Variants in TAMM41 observed in about 807,000 individuals in gnomAD.
TAMM41 encodes the protein phosphatidate cytidylyltransferase, mitochondrial.
In TAMM41, 36 loss-of-function variants were observed where a neutral mutation model predicts 44.1. The ratio of observed to expected loss-of-function variants is 0.82; its 90% CI spans 0.63 to 1.08. The LOEUF is 1.08. TAMM41 is among the 50% of genes least tolerant of loss of function. TAMM41 has a pLI of 0.00. For missense variants in TAMM41, 417 were observed against 404.3 expected, an observed-to-expected ratio of 1.03 and a Z score of -0.27; for synonymous variants, 164 against 153.1, an observed-to-expected ratio of 1.07 and a Z score of -0.53.
At chr3:11,774,839 C>T in the TAMM41 span, among the ~76,000 whole-genome samples, 7 of 151,826 alleles carry the variant, frequency 4.6e-5, no homozygotes, top group African/African-American at 4.8e-5. Flanking sequence ...ATTCCCAAAT[C>T]CTCATCTCCT....
the TAMM41 span, among the ~76,000 whole-genome samples, chr3:11,767,626 A>ATTGTTTTTTTTTTTTTTT: frequency 1.6e-5 from 1 of 60,692 alleles, no homozygotes; most frequent in Non-Finnish European, 3.1e-5. Context: ...CACGTTGTGC[A>ATTGTTTTTTTTTTTTTTT]TTTTTTTTTT....
chr3:11,758,819 A>G, the TAMM41 span, among the ~76,000 whole-genome samples: 4 of 152,074 alleles, frequency 2.6e-5, no homozygotes, highest in African/African-American at 9.7e-5. Flanking sequence ...GATTACAGCC[A>G]TGCACCACCA....
At chr3:11,808,423 G>C (rs2077984500) in intron 6 of TAMM41, 2 of 980,266 alleles carry the variant, frequency 2.0e-6, no homozygotes, top group African/African-American at 3.5e-5. Flanking sequence ...TTCAGGATGG[G>C]GAGCTGGTGA....
intron 3 of TAMM41, among the ~76,000 whole-genome samples, chr3:11,831,262 A>T (rs2078971710): frequency 1.3e-5 from 2 of 152,294 alleles, no homozygotes; most frequent in East Asian, 3.9e-4. Context: ...GGCCTCGGTG[A>T]GGGCTGAAAA....
intron 5 of TAMM41, among the ~76,000 whole-genome samples, chr3:11,813,721 G>A (rs1029142872): frequency 6.6e-6 from 1 of 151,924 alleles, no homozygotes; most frequent in Non-Finnish European, 1.5e-5. Context: ...GGCCAAGGCA[G>A]GAGGATCGCT....
At chr3:11,767,902 C>T in the TAMM41 span, among the ~76,000 whole-genome samples, 65 of 151,358 alleles carry the variant, frequency 4.3e-4, no homozygotes, top group African/African-American at 1.5e-3. Context: ...GGATTACAGA[C>T]GTGAGCCACC....
At chr3:11,842,403 A>G (rs1453330586) in intron 2 of TAMM41, among the ~76,000 whole-genome samples, 1 of 151,648 alleles carries the variant, frequency 6.6e-6, no homozygotes, top group Admixed American at 6.6e-5. Flanking sequence ...TCAAAAAAAA[A>G]AAAAAAAAAA....
At chr3:11,743,089 A>G in the TAMM41 span, among the ~76,000 whole-genome samples, 1 of 152,186 alleles carries the variant, frequency 6.6e-6, no homozygotes, top group Non-Finnish European at 1.5e-5. Context: ...CAGGCACTCC[A>G]AAGAATCCAT....
intron 4 of TAMM41, among the ~76,000 whole-genome samples, chr3:11,821,802 C>A (rs1477589996): frequency 6.6e-6 from 1 of 152,110 alleles, no homozygotes; most frequent in Admixed American, 6.6e-5. Flanking sequence ...CTACAAAGTA[C>A]CAGGAGCTGT....
chr3:11,762,745 T>TGAGAGAGAG, the TAMM41 span, among the ~76,000 whole-genome samples: 1 of 152,218 alleles, frequency 6.6e-6, no homozygotes, highest in African/African-American at 2.4e-5. Flanking sequence ...GGTCTGACCC[T>TGAGAGAGAG]TTCTGTACAA....
the TAMM41 span, among the ~76,000 whole-genome samples, chr3:11,752,795 C>T: frequency 6.6e-6 from 1 of 151,752 alleles, no homozygotes; most frequent in African/African-American, 2.4e-5. Flanking sequence ...GCTATAGGCG[C>T]ATGCCACCAT....
rs199871047 is a variant in TAMM41 at position 11,844,091 on chromosome 3, A to T, written c.256T>A (p.Ser86Thr). 6.2e-7 allele frequency: 1 copy of T among 1,614,214 alleles called. No individual in the cohort carries two copies. The highest frequency in any genetic ancestry group is 1.1e-5 in the South Asian group (1 of 91,090). Reference protein sequence around the residue: ...LKVLGPKIITSIQNNYGAGVY... With the variant: ...LKVLGPKIITTIQNNYGAGVY... The stretch of plus-strand genomic sequence containing the variant: ...CCAGCGCCATAGTTATTCTGGATGG[A>T]CGTGATAATCTTGGGCCCTAAAACT... Residue 86 changes from serine to threonine, a missense_variant, in exon 2 of 8, where the codon TCC becomes ACC. Coordinates refer to ENST00000455809, the MANE Select transcript of TAMM41 (RefSeq NM_001284401.2).
intron 7 of TAMM41, among the ~76,000 whole-genome samples, chr3:11,805,126 C>T (rs576722782): frequency 6.6e-6 from 1 of 151,848 alleles, no homozygotes; most frequent in East Asian, 1.9e-4. Context: ...GCCTCAGCCG[C>T]TCAAAGGTGG....
chr3:11,795,374 ACTC>A (rs957645196), intron 7 of TAMM41, among the ~76,000 whole-genome samples: 1 of 151,674 alleles, frequency 6.6e-6, no homozygotes, highest in Admixed American at 6.6e-5. Context: ...GTTAGTTCTG[ACTC>A]CTCCTTCATG....
At chr3:11,840,602 G>C (rs991341635) in intron 2 of TAMM41, among the ~76,000 whole-genome samples, 3 of 151,860 alleles carry the variant, frequency 2.0e-5, no homozygotes, top group Non-Finnish European at 4.4e-5. Flanking sequence ...CAGGCAGGAA[G>C]AACCCACCAG....
the TAMM41 span, among the ~76,000 whole-genome samples, chr3:11,755,587 G>A: frequency 5.1e-4 from 77 of 152,190 alleles, 1 homozygote; most frequent in African/African-American, 1.6e-3. Context: ...GTGTATTGTC[G>A]GGCGGGGATG....
intron 4 of TAMM41, among the ~76,000 whole-genome samples, chr3:11,822,056 G>A (rs961354760): frequency 9.2e-5 from 14 of 152,052 alleles, no homozygotes; most frequent in African/African-American, 3.4e-4. Flanking sequence ...CCGTCCCCAG[G>A]ATATCTCATT....
the TAMM41 span, among the ~76,000 whole-genome samples, chr3:11,749,310 C>G: frequency 1.3e-5 from 2 of 152,178 alleles, no homozygotes; most frequent in Non-Finnish European, 2.9e-5. Flanking sequence ...GTGGTGGAAC[C>G]AGGACTTGAA....
the TAMM41 span, among the ~76,000 whole-genome samples, chr3:11,754,708 CTTTTTTTTTTTTT>C: frequency 9.7e-6 from 1 of 103,562 alleles, no homozygotes; most frequent in Admixed American, 1.1e-4. Flanking sequence ...TCTCAGATCT[CTTTTTTTTTTTTT>C]TTTTTTTTTT....
Sources: gnomAD v4.1 joint callset for allele counts (sites outside exome capture counted in the v4.1 genomes callset) on GRCh38, gnomAD v4.1.1 for gene constraint, MANE v1.5 for transcripts, NCBI Gene and HGNC (gene_info 2026-07-23, HGNC 2026-07-21) for gene names.